The following RGS12 variants were observed in gnomAD, a reference collection of about 807,000 sequenced individuals.
RGS12 encodes regulator of G protein signaling 12, also known as regulator of G-protein signaling 12.
Under a neutral mutation model 120.1 loss-of-function variants are expected in RGS12, and 66 were observed. The observed-to-expected ratio is 0.55, with a 90% CI of 0.45 to 0.67. The LOEUF is 0.67. Ranked by LOEUF, RGS12 falls within the 30% of genes least tolerant of loss-of-function variation. The pLI, the probability that RGS12 is intolerant of heterozygous loss-of-function variation, is 0.00. For missense variants in RGS12, 1,859 were observed against 1,957.7 expected, an observed-to-expected ratio of 0.95 and a Z score of 0.95; for synonymous variants, 827 against 804.7, an observed-to-expected ratio of 1.03 and a Z score of -0.47.
intron 3 of RGS12, among the ~76,000 whole-genome samples, chr4:3,354,551 T>A (rs1470477629): frequency 6.6e-6 from 1 of 152,244 alleles, no homozygotes; most frequent in Admixed American, 6.5e-5. Flanking sequence ...TATTCAAGCC[T>A]GTCCTGCAGA....
At chr4:3,370,532 C>T (rs995109318) in intron 3 of RGS12, among the ~76,000 whole-genome samples, 42 of 152,246 alleles carry the variant, frequency 2.8e-4, no homozygotes, top group African/African-American at 1.0e-3. Context: ...GTCCCGGGCC[C>T]GACACACCCG....
chr4:3,429,444 A>G (rs777657381), intron 16 of RGS12, among the ~76,000 whole-genome samples: 9 of 152,142 alleles, frequency 5.9e-5, no homozygotes, highest in Non-Finnish European at 1.3e-4. Flanking sequence ...TAAAACTAAA[A>G]CACACCTCCA....
chr4:3,301,623 G>A (rs898421305), intron 1 of RGS12, among the ~76,000 whole-genome samples: 5 of 128,946 alleles, frequency 3.9e-5, no homozygotes, highest in Non-Finnish European at 6.6e-5. Flanking sequence ...GCCGGGGTCC[G>A]AGGGCCGGGG....
Position 3,316,475 on chromosome 4 carries a change from T to G in RGS12, c.305T>G (p.Phe102Cys). The G allele has an allele frequency of 6.2e-7, 1 of 1,614,158 alleles. No individual in the cohort carries two copies. Among genetic ancestry groups the G allele is most frequent in the Non-Finnish European group, 8.5e-7 (1 of 1,180,032 alleles). Residue 102 changes from phenylalanine (F) to cysteine (C), a missense_variant, in exon 2 of 18, where the codon TTC (phenylalanine) becomes TGC (cysteine). Around this residue, in one of 3 missense-constraint regions of RGS12, gnomAD observed 967 missense variants for 994.2 expected, o/e 0.97. Coordinates refer to ENST00000336727, the MANE Select transcript of RGS12 (RefSeq NM_001394154.1). ...HMVIAEGVGR[F>C]ESCSSDEEGG... ...GTGATTGCTGAAGGCGTCGGCCGCT[T>G]CGAATCCTGTTCCAGTGATGAAGAA... is the stretch of plus-strand genomic sequence containing the variant.
upstream of RGS12, among the ~76,000 whole-genome samples, chr4:3,290,734 C>T (rs1464254457): frequency 2.6e-5 from 4 of 152,252 alleles, no homozygotes; most frequent in Non-Finnish European, 4.4e-5. Context: ...CAACAGAGGC[C>T]GCCCTGCCAG....
chr4:3,430,732 G>A lies in RGS12; in HGVS notation c.3891G>A (p.Gly1297=), dbSNP rs1266620135. Reference sequence around the variant, plus strand: ...CCCCCGGGCAGAAGTCTCCCAGCGGGCCCTTCTGCACTCCCCAGTCCCCCG... The same window carrying A: ...CCCCCGGGCAGAAGTCTCCCAGCGGACCCTTCTGCACTCCCCAGTCCCCCG... ...TTPPGQKSPS[G]PFCTPQSPVS... is the part of the protein sequence containing the mutation. Residue 1297 remains glycine, a synonymous_variant, in exon 17 of 18, where the codon GGG becomes GGA. Coordinates refer to ENST00000336727, the MANE Select transcript of RGS12 (RefSeq NM_001394154.1). 4.4e-6 allele frequency: 7 copies of A among 1,598,680 alleles called. No individual in the cohort carries two copies. In the South Asian group the frequency reaches 4.5e-5, roughly 10 times the overall value.
intron 13 of RGS12, among the ~76,000 whole-genome samples, chr4:3,425,045 C>A (rs927296215): frequency 6.6e-6 from 1 of 152,246 alleles, no homozygotes; most frequent in East Asian, 1.9e-4. Context: ...AGAACTCCAG[C>A]CCGGTGGCTA....
chr4:3,296,056 C>T (rs149753855), intron 1 of RGS12, among the ~76,000 whole-genome samples: 11 of 148,992 alleles, frequency 7.4e-5, no homozygotes, highest in Admixed American at 7.3e-4. Context: ...GAGCCGTTCA[C>T]CCCCCTGGTC....
rs770722717 is a variant in RGS12 at position 3,414,837 on chromosome 4, A to G, written c.2276A>G (p.Lys759Arg). ...EYFNHVPAHD[K>R]KELSYRAREI... Reference sequence around the variant, plus strand: ...TTTAATCATGTTCCTGCACATGACAAAAAGGAGGTAAGTCCACGCTTGGGA... The same window carrying G: ...TTTAATCATGTTCCTGCACATGACAGAAAGGAGGTAAGTCCACGCTTGGGA... Residue 759 changes from lysine to arginine, a missense_variant, in exon 6 of 18, where the codon AAA becomes AGA. Transcript: ENST00000336727. The G allele has an allele frequency of 4.3e-6, 7 of 1,611,650 alleles. No individual in the cohort carries two copies. In the African/African-American group the frequency reaches 5.3e-5, roughly 12 times the overall value.
chr4:3,386,873 C>T (rs1011140717), intron 4 of RGS12, among the ~76,000 whole-genome samples: 46 of 152,228 alleles, frequency 3.0e-4, no homozygotes, highest in African/African-American at 1.1e-3. Flanking sequence ...GTATAATAGA[C>T]GAATTGAGAG....
chr4:3,389,491 G>A lies in RGS12; in HGVS notation c.2020+3054G>A, dbSNP rs906295347. Among the ~76,000 whole-genome samples, 2 of 152,186 alleles carry A rather than the reference G, an allele frequency of 1.3e-5. No individual in the cohort carries two copies. Among genetic ancestry groups the A allele is most frequent in the African/African-American group, 4.8e-5 (2 of 41,436 alleles). The stretch of plus-strand genomic sequence containing the variant: ...AAAGGAAGATGCCCGGTTGCTCCTG[G>A]AAAAAGGAACCTCTCACCTCTCCTG... On this transcript the variant is annotated intron_variant, in intron 4 of 17. Coordinates refer to ENST00000336727, the MANE Select transcript of RGS12 (RefSeq NM_001394154.1). The surrounding 1 kb of genome is among the most constrained non-coding windows in gnomAD (Gnocchi z 5.2).
intron 3 of RGS12, among the ~76,000 whole-genome samples, chr4:3,355,228 T>G (rs920420269): frequency 2.0e-5 from 3 of 152,194 alleles, no homozygotes; most frequent in African/African-American, 7.2e-5. Flanking sequence ...TTGGTGAAAT[T>G]CGGTATCCAT....
At chr4:3,360,006 T>C (rs187594716) in intron 3 of RGS12, among the ~76,000 whole-genome samples, 4,622 of 152,188 alleles carry the variant, frequency 0.03, 218 homozygotes, top group African/African-American at 0.099. Context: ...GTGATCTGCC[T>C]GCCTTGGCCT....
intron 13 of RGS12, among the ~76,000 whole-genome samples, 187 bp from the exon 14 acceptor site, chr4:3,425,277 G>A (rs541062567): frequency 5.3e-5 from 8 of 152,108 alleles, no homozygotes. Context: ...TCGTGTAGTC[G>A]GGACCCATGT....
chr4:3,300,138 C>G (rs945896751), intron 1 of RGS12, among the ~76,000 whole-genome samples: 3 of 152,256 alleles, frequency 2.0e-5, no homozygotes, highest in African/African-American at 7.2e-5. Context: ...GTGCTGGTGG[C>G]ATCGCTGCAG....
At chr4:3,356,047 T>C (rs1476630993) in intron 3 of RGS12, among the ~76,000 whole-genome samples, 2 of 137,112 alleles carry the variant, frequency 1.5e-5, no homozygotes, top group African/African-American at 6.0e-5. Flanking sequence ...ATTATCTTTT[T>C]CAATTTTTTT....
chr4:3,300,637 AG>A (rs1183390419), intron 1 of RGS12, among the ~76,000 whole-genome samples: 2 of 152,294 alleles, frequency 1.3e-5, no homozygotes, highest in Non-Finnish European at 2.9e-5. Context: ...CGAAGGCTTT[AG>A]GGGGAGACCC....
intron 14 of RGS12, 102 bp downstream of exon 14, chr4:3,425,662 G>A: frequency 2.6e-6 from 1 of 389,798 alleles, no homozygotes; most frequent in Non-Finnish European, 4.2e-6. Context: ...TGGGGCCAGT[G>A]CAGGGGAGGG....
intron 2 of RGS12, chr4:3,342,645 G>A: frequency 4.2e-6 from 5 of 1,202,702 alleles, no homozygotes; most frequent in African/African-American, 1.5e-5. Flanking sequence ...AGCCTTGTGG[G>A]TGGGCTGCCG....
Sources: gnomAD v4.1 joint callset for allele counts (sites outside exome capture counted in the v4.1 genomes callset) on GRCh38, gnomAD v4.1.1 for gene constraint, gnomAD v4.1.1 regional missense constraint, Gnocchi (gnomAD v3.1) non-coding constraint, MANE v1.5 for transcripts, NCBI Gene and HGNC (gene_info 2026-07-23, HGNC 2026-07-21) for gene names.